The following PCDHA4 variants were observed in gnomAD, a reference collection of about 807,000 sequenced individuals.
PCDHA4 encodes protocadherin alpha 4.
A neutral mutation model predicts 61.4 loss-of-function variants in PCDHA4; 49 were observed. The ratio of observed to expected loss-of-function variants is 0.80; its 90% CI spans 0.63 to 1.01. The LOEUF (loss-of-function observed/expected upper bound fraction) is 1.01, where lower values mean the gene tolerates loss of function less well. PCDHA4 is among the 50% of genes least tolerant of loss of function. The probability of loss-of-function intolerance (pLI) is 0.00; values close to 1 mark genes in which losing one functional copy is unlikely to be tolerated. For missense variants in PCDHA4, 1,254 were observed against 1,235.8 expected, an observed-to-expected ratio of 1.01 and a Z score of -0.22; for synonymous variants, 590 against 550.3, an observed-to-expected ratio of 1.07 and a Z score of -1.01.
intron 1 of PCDHA4, chr5:140,876,186 T>A: frequency 1.2e-6 from 2 of 1,613,960 alleles, no homozygotes; most frequent in Middle Eastern, 1.6e-4. Context: ...TGAATGACAA[T>A]GGTCCGGCGT....
chr5:140,913,447 C>T (rs1445715185), intron 1 of PCDHA4, among the ~76,000 whole-genome samples: 5 of 152,022 alleles, frequency 3.3e-5, no homozygotes, highest in African/African-American at 9.7e-5. Context: ...TTTTCAGCTC[C>T]GATTTTATTT....
chr5:140,927,077 G>C (rs568623488), intron 1 of PCDHA4: 29 of 1,610,728 alleles, frequency 1.8e-5, no homozygotes, highest in Non-Finnish European at 2.5e-5. Flanking sequence ...TCCAGCCACC[G>C]CGAGCTCTAC....
intron 1 of PCDHA4, among the ~76,000 whole-genome samples, chr5:140,912,858 A>G (rs1554195572): frequency 6.6e-6 from 1 of 152,192 alleles, no homozygotes; most frequent in East Asian, 1.9e-4. Context: ...ATCAATTGAA[A>G]TGATATATGG....
intron 1 of PCDHA4, among the ~76,000 whole-genome samples, chr5:140,937,848 C>G (rs939450579): frequency 1.4e-5 from 2 of 145,938 alleles, no homozygotes; most frequent in African/African-American, 2.5e-5. Flanking sequence ...GAAGGCGGAA[C>G]TTGGAGTGAG....
chr5:140,872,817 T>G (rs1316271424), intron 1 of PCDHA4, among the ~76,000 whole-genome samples: 1 of 152,214 alleles, frequency 6.6e-6, no homozygotes, highest in African/African-American at 2.4e-5. Context: ...TTTTTCAGAT[T>G]CATCTAGCAG....
intron 1 of PCDHA4, chr5:140,871,236 ACTCACGCTG>A: frequency 6.2e-7 from 1 of 1,613,908 alleles, no homozygotes; most frequent in Non-Finnish European, 8.5e-7. Context: ...GCCTCCTGGT[ACTCACGCTG>A]CTGCTGTATA....
intron 1 of PCDHA4, among the ~76,000 whole-genome samples, chr5:140,946,167 T>C (rs2153672434): frequency 6.6e-6 from 1 of 151,842 alleles, no homozygotes; most frequent in South Asian, 2.1e-4. Context: ...AAAAGATGGG[T>C]AAAGGATGTG....
chr5:140,971,488 A>G (rs17119328), intron 1 of PCDHA4, among the ~76,000 whole-genome samples: 1 of 152,104 alleles, frequency 6.6e-6, no homozygotes, highest in African/African-American at 2.4e-5. Flanking sequence ...ACATTGTTAC[A>G]GTGTGGCAAG....
intron 1 of PCDHA4, chr5:140,821,624 A>C: frequency 1.1e-6 from 1 of 893,550 alleles, no homozygotes; most frequent in Non-Finnish European, 1.7e-6. Context: ...GATTTTCCTT[A>C]GACAGAAAGG....
At chr5:140,818,301 A>G (rs1251106961) in intron 1 of PCDHA4, among the ~76,000 whole-genome samples, 1 of 152,124 alleles carries the variant, frequency 6.6e-6, no homozygotes, top group Non-Finnish European at 1.5e-5. Flanking sequence ...ATTCTGACCC[A>G]TCTTTTACTT....
chr5:140,876,967 G>A (rs200960356), intron 1 of PCDHA4: 7 of 1,612,934 alleles, frequency 4.3e-6, no homozygotes, highest in African/African-American at 2.7e-5. Context: ...GGAGCGGCGG[G>A]TGGGCGAGCA....
intron 3 of PCDHA4, among the ~76,000 whole-genome samples, chr5:140,994,425 G>A (rs769335292): frequency 5.3e-5 from 8 of 152,118 alleles, no homozygotes; most frequent in African/African-American, 1.7e-4. Context: ...TATTGAGGCC[G>A]GGCGCAGTGG....
At chr5:140,812,798 T>C (rs1051671489) in intron 1 of PCDHA4, 5 of 152,226 alleles carry the variant, frequency 3.3e-5, no homozygotes, top group Non-Finnish European at 5.9e-5. Flanking sequence ...TGTTGTATCC[T>C]GTAAGTTTTT....
At chr5:140,821,139 T>C (rs2150108825) in intron 1 of PCDHA4, among the ~76,000 whole-genome samples, 2 of 152,168 alleles carry the variant, frequency 1.3e-5, no homozygotes, top group Non-Finnish European at 2.9e-5. Context: ...AAATTTGTTT[T>C]ATGAGTAACA....
intron 1 of PCDHA4, among the ~76,000 whole-genome samples, chr5:140,831,935 G>C (rs1470803864): frequency 6.6e-6 from 1 of 152,098 alleles, no homozygotes; most frequent in Admixed American, 6.6e-5. Flanking sequence ...CTAGTTTTCC[G>C]AAGAGGAAAA....
chr5:140,834,412 G>C (rs2150217251), intron 1 of PCDHA4: 1 of 1,611,044 alleles, frequency 6.2e-7, no homozygotes, highest in Non-Finnish European at 8.5e-7. Context: ...TACGACCCAG[G>C]GGGCCGACAT....
chr5:140,968,869 C>T, intron 1 of PCDHA4: 1 of 1,614,210 alleles, frequency 6.2e-7, no homozygotes, highest in Non-Finnish European at 8.5e-7. Flanking sequence ...CTCGGACATA[C>T]TCTGAAATTA....
chr5:140,826,566 G>T (rs1423403318), intron 1 of PCDHA4, among the ~76,000 whole-genome samples: 4 of 152,130 alleles, frequency 2.6e-5, no homozygotes, highest in African/African-American at 9.7e-5. Flanking sequence ...TGAAGGAGGG[G>T]TTTAATCACT....
At chr5:140,838,077 AGTGTGTGTGTGTGTGTGTGTGTGT>A (rs57130401) in intron 1 of PCDHA4, among the ~76,000 whole-genome samples, 5 of 80,700 alleles carry the variant, frequency 6.2e-5, no homozygotes, top group South Asian at 4.3e-4. Context: ...ATATATATAT[AGTGTGTGTGTGTGTGTGTGTGTGT>A]GTGTGTGTGT....
Sources: gnomAD v4.1 joint callset for allele counts (sites outside exome capture counted in the v4.1 genomes callset) on GRCh38, gnomAD v4.1.1 for gene constraint, MANE v1.5 for transcripts, NCBI Gene and HGNC (gene_info 2026-07-23, HGNC 2026-07-21) for gene names.